CDH9: variants seen among roughly 807,000 people sequenced by gnomAD.
CDH9 encodes the protein cadherin-9.
A neutral mutation model predicts 70.9 loss-of-function variants in CDH9; 28 were observed. The ratio of observed to expected loss-of-function variants is 0.40; its 90% confidence interval spans 0.29 to 0.54. The LOEUF is 0.54. CDH9 is among the 20% of genes least tolerant of loss of function. The pLI, the probability that CDH9 is intolerant of heterozygous loss-of-function variation, is 0.59. For missense variants in CDH9, 874 were observed against 984.4 expected (o/e 0.89, Z 1.50); for synonymous variants, 409 against 343.1 (o/e 1.19, Z -2.12).
chr5:27,005,078 A>G (rs932624532), intron 1 of CDH9, among the ~76,000 whole-genome samples: 1 of 152,158 alleles, frequency 6.6e-6, no homozygotes. Context: ...AGTGCTATTA[A>G]GTGGGTAATA....
At chr5:26,905,281 T>A (rs1228337990) in intron 5 of CDH9, among the ~76,000 whole-genome samples, 1 of 152,138 alleles carries the variant, frequency 6.6e-6, no homozygotes, top group Admixed American at 6.6e-5. Flanking sequence ...TGGTTTAATG[T>A]CTATCCTAAA....
chr5:26,882,906 T>C (rs1320882223), intron 11 of CDH9, among the ~76,000 whole-genome samples: 4 of 151,248 alleles, frequency 2.6e-5, no homozygotes, highest in Non-Finnish European at 5.9e-5. Context: ...TGTCCAGTGT[T>C]ATTTTCACAT....
chr5:26,975,193 G>A (rs886183621), intron 2 of CDH9, among the ~76,000 whole-genome samples: 1 of 152,142 alleles, frequency 6.6e-6, no homozygotes, highest in Non-Finnish European at 1.5e-5. Context: ...TACCAGAAAA[G>A]AAGGGATGTG....
chr5:26,912,546 A>C (rs1268796648), intron 3 of CDH9, among the ~76,000 whole-genome samples: 1 of 151,178 alleles, frequency 6.6e-6, no homozygotes, highest in African/African-American at 2.4e-5. Flanking sequence ...GTATGTATTA[A>C]AATGCAGGGG....
At chr5:26,908,600 T>C (rs1740990223) in intron 3 of CDH9, among the ~76,000 whole-genome samples, 1 of 152,204 alleles carries the variant, frequency 6.6e-6, no homozygotes, top group Non-Finnish European at 1.5e-5. Flanking sequence ...TATTTGACTC[T>C]TTCAAATAAT....
intron 2 of CDH9, among the ~76,000 whole-genome samples, chr5:26,947,597 G>A (rs1031422120): frequency 6.6e-6 from 1 of 152,170 alleles, no homozygotes; most frequent in African/African-American, 2.4e-5. Flanking sequence ...GAAAGGACAT[G>A]AGATATTTAT....
chr5:26,941,112 A>T (rs1741655337), intron 2 of CDH9, among the ~76,000 whole-genome samples: 1 of 152,204 alleles, frequency 6.6e-6, no homozygotes, highest in Admixed American at 6.5e-5. Flanking sequence ...GGCTTCAAAC[A>T]ACTTAGGATT....
chr5:26,954,980 G>GCCTGTGGT (rs1741922517), intron 2 of CDH9, among the ~76,000 whole-genome samples: 1 of 152,060 alleles, frequency 6.6e-6, no homozygotes, highest in Non-Finnish European at 1.5e-5. Flanking sequence ...GGCTGTATTG[G>GCCTGTGGT]CCTGTGGTTG....
At chr5:26,940,703 T>A (rs1741645919) in intron 2 of CDH9, among the ~76,000 whole-genome samples, 1 of 152,204 alleles carries the variant, frequency 6.6e-6, no homozygotes, top group Admixed American at 6.5e-5. Context: ...ATTGTCTACA[T>A]ATCTGTTAAA....
At chr5:26,943,654 A>G (rs567314538) in intron 2 of CDH9, among the ~76,000 whole-genome samples, 1 of 152,338 alleles carries the variant, frequency 6.6e-6, no homozygotes, top group East Asian at 1.9e-4. Context: ...GTGAACCTGA[A>G]TAAATGGATG....
At chr5:27,029,607 G>T (rs1202916582) in intron 1 of CDH9, among the ~76,000 whole-genome samples, 1 of 151,976 alleles carries the variant, frequency 6.6e-6, no homozygotes, top group Non-Finnish European at 1.5e-5. Flanking sequence ...CAGTACCTAA[G>T]ATGTAGTAAG....
intron 2 of CDH9, among the ~76,000 whole-genome samples, chr5:26,964,729 C>T (rs1411716932): frequency 1.3e-5 from 2 of 151,784 alleles, no homozygotes; most frequent in East Asian, 1.9e-4. Context: ...TTTGCTGCAC[C>T]CATCAACTCT....
chr5:26,984,764 C>A (rs950806341), intron 2 of CDH9, among the ~76,000 whole-genome samples: 1 of 151,976 alleles, frequency 6.6e-6, no homozygotes, highest in Non-Finnish European at 1.5e-5. Context: ...TTTTTTCCTT[C>A]TTGGGGAACA....
chr5:26,976,414 A>G (rs1742303262), intron 2 of CDH9, among the ~76,000 whole-genome samples: 1 of 151,942 alleles, frequency 6.6e-6, no homozygotes, highest in Non-Finnish European at 1.5e-5. Flanking sequence ...ATAACATTTA[A>G]TCTTTAGGTT....
At chr5:27,037,079 G>A (rs1743406082) in intron 1 of CDH9, among the ~76,000 whole-genome samples, 1 of 151,934 alleles carries the variant, frequency 6.6e-6, no homozygotes, top group African/African-American at 2.4e-5. Flanking sequence ...TTCTTCTTCT[G>A]CAGAATGTAG....
At chr5:27,019,235 C>T (rs141185126) in intron 1 of CDH9, among the ~76,000 whole-genome samples, 16 of 152,078 alleles carry the variant, frequency 1.1e-4, no homozygotes, top group African/African-American at 3.4e-4. Flanking sequence ...AGATGTACAT[C>T]TCCTATTACA....
chr5:26,892,502 G>A (rs1375964139), intron 7 of CDH9, among the ~76,000 whole-genome samples: 2 of 152,186 alleles, frequency 1.3e-5, no homozygotes, highest in Non-Finnish European at 1.5e-5. Flanking sequence ...AGCAATGCAA[G>A]ACAATTAACA....
intron 2 of CDH9, among the ~76,000 whole-genome samples, chr5:26,959,020 A>G (rs1225588656): frequency 1.3e-5 from 2 of 152,150 alleles, no homozygotes; most frequent in African/African-American, 4.8e-5. Context: ...GACTTCATAA[A>G]AACAAACTAT....
At chr5:26,886,768 A>C in intron 9 of CDH9, among the ~76,000 whole-genome samples, 1 of 152,150 alleles carries the variant, frequency 6.6e-6, no homozygotes. Context: ...AGCTAGTGTA[A>C]GTAAATAAGA....
Sources: allele counts gnomAD v4.1 joint callset (sites outside exome capture counted in the v4.1 genomes callset), GRCh38; gene constraint gnomAD v4.1.1; transcripts MANE v1.5; gene names NCBI Gene and HGNC (gene_info 2026-07-23, HGNC 2026-07-21).